HMCN2: variants seen among roughly 807,000 people sequenced by gnomAD.
HMCN2 encodes hemicentin 2, also known as hemicentin-2.
Under a neutral mutation model 377.5 loss-of-function variants are expected in HMCN2, and 325 were observed. The observed-to-expected ratio is 0.86, with a 90% CI of 0.79 to 0.94. The LOEUF (loss-of-function observed/expected upper bound fraction) is 0.94, where lower values mean the gene tolerates loss of function less well. Ranked by LOEUF, HMCN2 falls within the 40% of genes least tolerant of loss-of-function variation. HMCN2 has a pLI of 0.00. For missense variants in HMCN2, 4,543 were observed against 4,725.3 expected, an observed-to-expected ratio of 0.96 and a Z score of 1.13; for synonymous variants, 2,007 against 2,046.8, an observed-to-expected ratio of 0.98 and a Z score of 0.53.
chr9:130,293,972 G>A (rs1336430115), intron 4 of HMCN2, among the ~76,000 whole-genome samples: 1 of 152,170 alleles, frequency 6.6e-6, no homozygotes, highest in East Asian at 1.9e-4. Context: ...CGGCATGTAT[G>A]GGTGGGGGCT....
chr9:130,418,005 G>A (rs1843786761), intron 85 of HMCN2, among the ~76,000 whole-genome samples: 2 of 152,134 alleles, frequency 1.3e-5, no homozygotes, highest in African/African-American at 4.8e-5. Flanking sequence ...TATTTCAGAT[G>A]GGAACACTGA....
At chr9:130,313,721 C>T (rs2131376112) in intron 15 of HMCN2, among the ~76,000 whole-genome samples, 1 of 151,372 alleles carries the variant, frequency 6.6e-6, no homozygotes, top group African/African-American at 2.4e-5. Context: ...GTTCAGTGCC[C>T]TGAGCTGTGG....
intron 78 of HMCN2, 39 bp from the exon 79 acceptor site, chr9:130,403,155 G>C (rs916895906): frequency 7.8e-7 from 1 of 1,276,252 alleles, no homozygotes; most frequent in Non-Finnish European, 1.0e-6. Flanking sequence ...GTTGTGTTAA[G>C]GACATTCTCA....
At chr9:130,310,121 G>A (rs1002638245) in intron 15 of HMCN2, 60 bp downstream of exon 15, 32 of 453,982 alleles carry the variant, frequency 7.0e-5, no homozygotes, top group Non-Finnish European at 1.4e-4. Context: ...CCCTCTGCCT[G>A]CTTCTGAGTA....
intron 6 of HMCN2, among the ~76,000 whole-genome samples, 153 bp from the exon 7 acceptor site, chr9:130,296,521 G>GC (rs1836161313): frequency 6.6e-6 from 1 of 152,182 alleles, no homozygotes; most frequent in African/African-American, 2.4e-5. Context: ...ATCGTGCTGG[G>GC]CCCCTTGGGA....
intron 53 of HMCN2, among the ~76,000 whole-genome samples, chr9:130,378,841 T>C (rs764137278): frequency 9.2e-5 from 14 of 152,094 alleles, no homozygotes; most frequent in Non-Finnish European, 1.8e-4. Context: ...AGGCCTTAAT[T>C]TGATCCTTTG....
chr9:130,335,762 C>A (rs1335742084), intron 22 of HMCN2, among the ~76,000 whole-genome samples: 1 of 152,060 alleles, frequency 6.6e-6, no homozygotes, highest in African/African-American at 2.4e-5. Flanking sequence ...TGGTTCTCAC[C>A]AGGACACCTG....
Position 130,430,338 on chromosome 9 carries a change from T to A in HMCN2, c.14381T>A (p.Leu4794His), listed in dbSNP as rs969357563. 2.2e-5 allele frequency: 34 copies of A among 1,547,588 alleles called. No individual in the cohort carries two copies. The highest frequency in any genetic ancestry group is 3.0e-5 in the Non-Finnish European group (34 of 1,146,896). The part of the protein sequence containing the change: ...PKACAYQCHN[L>H]QGSYRCLCPP... ...GCCTGCGCCTACCAGTGCCACAACC[T>A]CCAGGGCAGCTACCGCTGCCTGTGC... The change falls in exon 95 of 98, where the codon CTC becomes CAC. Residue 4794 changes from leucine to histidine, a missense_variant. Transcript: ENST00000683500.
rs1457581346 is a variant in HMCN2 at position 130,270,304 on chromosome 9, TTTC to T, written c.259+4168_259+4170del. The stretch of plus-strand genomic sequence containing the variant: ...GTTTGTTTGTTTGTTTGTTTTTTTT[TTTC>T]CCTATCACAAAACCAGTTAGGCAGA... On this transcript the variant is annotated intron_variant, in intron 1 of 97. Transcript: ENST00000683500. Among the ~76,000 whole-genome samples, 10 of 118,788 alleles carry T rather than the reference TTTC, an allele frequency of 8.4e-5. 1 individual carries two copies. The highest frequency in any genetic ancestry group is 3.1e-4 in the South Asian group (1 of 3,246). 77.9% of individuals were successfully genotyped at this position (118,788 alleles called of 152,430 possible).
chr9:130,361,959 T>A lies in HMCN2; in HGVS notation c.5951-49T>A, dbSNP rs1001035854. On this transcript the variant is annotated intron_variant, in intron 38 of 97. Coordinates refer to ENST00000683500, the MANE Select transcript of HMCN2 (RefSeq NM_001291815.2). The surrounding 1 kb of genome is among the most constrained non-coding windows in gnomAD (Gnocchi z 4.8). ...TGCCCAGCCAGGGGCCCTGCCTGCT[T>A]TGCCCCAGTGGGGCTCAGCCTGTAC... The A allele has an allele frequency of 1.6e-5, 16 of 983,448 alleles. No homozygotes were observed. In the Admixed American group the frequency reaches 1.8e-4, roughly 11 times the overall value. The allele number at this position is 983,448 out of a possible 1,614,324, so 60.9% of individuals were successfully genotyped here.
chr9:130,391,781 G>C lies in HMCN2; in HGVS notation c.9953-154G>C, dbSNP rs558874502. Among the ~76,000 whole-genome samples, 13 of 152,270 alleles carry C rather than the reference G, an allele frequency of 8.5e-5. No homozygotes were observed. In the East Asian group the frequency reaches 2.5e-3, roughly 29 times the overall value. On this transcript the variant is annotated intron_variant, in intron 65 of 97. Coordinates refer to ENST00000683500, the MANE Select transcript of HMCN2 (RefSeq NM_001291815.2). ...GTGAGAAGAGAGTCAGGGAGTGGCT[G>C]TGTCCCCCATGCAGCGGGCCTCATC...
intron 4 of HMCN2, among the ~76,000 whole-genome samples, chr9:130,293,343 G>A (rs981925194): frequency 5.9e-5 from 7 of 119,378 alleles, no homozygotes; most frequent in African/African-American, 1.3e-4. Context: ...TAGTTGAACC[G>A]CCGGGTTTGG....
At chr9:130,324,804 T>C (rs1162828818) in intron 19 of HMCN2, among the ~76,000 whole-genome samples, 1 of 152,042 alleles carries the variant, frequency 6.6e-6, no homozygotes, top group African/African-American at 2.4e-5. Context: ...TTTGTATTTT[T>C]AGTAGAGACA....
Position 130,397,637 on chromosome 9 carries a change from C to T in HMCN2, c.11308C>T (p.Arg3770Cys), listed in dbSNP as rs1054756062. The T allele has an allele frequency of 4.7e-5, 61 of 1,289,684 alleles. No homozygotes were observed. Among genetic ancestry groups the T allele is most frequent in the South Asian group, 1.2e-4 (10 of 81,026 alleles). The allele number at this position is 1,289,684 out of a possible 1,614,324, so 79.9% of individuals were successfully genotyped here. A position where few individuals can be genotyped will look rare whatever the true frequency, so the allele number is the denominator to read the frequency against. The change falls in exon 74 of 98, where the codon CGT becomes TGT. Residue 3770 changes from arginine (R) to cysteine (C), a missense_variant. Physicochemically the swap from Arg to Cys is radical, Grantham distance 180 (BLOSUM62 -3). Around this residue, in one of 5 missense-constraint regions of HMCN2, gnomAD observed 1,073 missense variants for 1,319.5 expected, o/e 0.81. Coordinates refer to ENST00000683500, the MANE Select transcript of HMCN2 (RefSeq NM_001291815.2). ...CTCTGCTGGCTCCGATCGTCAAGGC[C>T]GTGACCTACGGGTCTTGGGTAGGTG... ...SNSAGSDRQG[R>C]DLRVLEPPAI...
chr9:130,404,759 A>C (rs1238584702), intron 80 of HMCN2, 110 bp from the exon 81 acceptor site: 10 of 688,922 alleles, frequency 1.5e-5, no homozygotes, highest in Non-Finnish European at 2.0e-5. Flanking sequence ...TGGAGGGGGC[A>C]GCTGATGGCC....
chr9:130,301,072 GGGCC>G (rs1554934231), intron 8 of HMCN2, among the ~76,000 whole-genome samples: 1 of 152,246 alleles, frequency 6.6e-6, no homozygotes, highest in Non-Finnish European at 1.5e-5. Context: ...AGGGGAAGAA[GGGCC>G]AGCTCTTGAG....
intron 1 of HMCN2, among the ~76,000 whole-genome samples, chr9:130,274,496 A>G (rs1005884405): frequency 2.0e-5 from 3 of 152,174 alleles, no homozygotes; most frequent in Admixed American, 1.3e-4. Flanking sequence ...CATGTGTGCA[A>G]TCAGTAAGTG....
intron 7 of HMCN2, among the ~76,000 whole-genome samples, chr9:130,297,581 C>G (rs75426824): frequency 0.014 from 2,162 of 152,290 alleles, 38 homozygotes; most frequent in African/African-American, 0.035. Flanking sequence ...CTGGGAGGAG[C>G]CTGGATCAGG....
chr9:130,375,482 C>G (rs983555874), intron 49 of HMCN2, 81 bp from the exon 50 acceptor site: 4 of 811,584 alleles, frequency 4.9e-6, no homozygotes, highest in Non-Finnish European at 6.0e-6. Context: ...AGGCCAAGCA[C>G]CGGGGTCTGA....
Sources: allele counts gnomAD v4.1 joint callset (sites outside exome capture counted in the v4.1 genomes callset), GRCh38; gene constraint gnomAD v4.1.1; regional missense constraint gnomAD v4.1.1; non-coding constraint Gnocchi (gnomAD v3.1); transcripts MANE v1.5; gene names NCBI Gene and HGNC (gene_info 2026-07-23, HGNC 2026-07-21).